Variants in WDR49 observed in about 807,000 individuals in gnomAD.
The protein encoded by WDR49 is WD repeat domain 49, also known as cilia- and flagella-associated protein 337.
Under a neutral mutation model 119.5 loss-of-function variants are expected in WDR49, and 107 were observed. The observed-to-expected ratio is 0.90, with a 90% confidence interval of 0.77 to 1.05. The LOEUF is 1.05. WDR49 is among the 50% of genes least tolerant of loss of function. The probability of loss-of-function intolerance (pLI) is 0.00; values close to 1 mark genes in which losing one functional copy is unlikely to be tolerated. For synonymous variants in WDR49, 425 were observed against 418.8 expected (o/e 1.01, Z -0.18); for missense variants, 1,240 against 1,220.5 (o/e 1.02, Z -0.24).
intron 17 of WDR49, among the ~76,000 whole-genome samples, chr3:167,502,837 T>C (rs1751627694): frequency 6.6e-6 from 1 of 152,174 alleles, no homozygotes; most frequent in African/African-American, 2.4e-5. Flanking sequence ...AAGCAGAGTA[T>C]AAATGTTTAG....
intron 18 of WDR49, among the ~76,000 whole-genome samples, chr3:167,487,496 A>C (rs188998678): frequency 6.6e-6 from 1 of 152,324 alleles, no homozygotes; most frequent in East Asian, 1.9e-4. Context: ...AAGCCCCCAA[A>C]AGCAACGGTA....
intron 18 of WDR49, among the ~76,000 whole-genome samples, chr3:167,498,560 T>C (rs1424436769): frequency 6.6e-6 from 1 of 152,056 alleles, no homozygotes; most frequent in Non-Finnish European, 1.5e-5. Flanking sequence ...TTCTCTGTGC[T>C]CTGGGGGAGG....
intron 7 of WDR49, among the ~76,000 whole-genome samples, chr3:167,591,584 C>T (rs1481036134): frequency 6.6e-6 from 1 of 151,996 alleles, no homozygotes; most frequent in East Asian, 1.9e-4. Context: ...TGGGTGCTCC[C>T]GTTTTGGGTA....
chr3:167,545,452 C>T (rs970744436), intron 10 of WDR49, among the ~76,000 whole-genome samples: 10 of 144,328 alleles, frequency 6.9e-5, no homozygotes, highest in Non-Finnish European at 1.5e-4. Flanking sequence ...GCCCAAATGC[C>T]CGTCAATCAA....
chr3:167,616,240 A>G (rs1435584759), intron 5 of WDR49, among the ~76,000 whole-genome samples: 1 of 152,260 alleles, frequency 6.6e-6, no homozygotes, highest in Non-Finnish European at 1.5e-5. Context: ...AATGATCAAC[A>G]AATATTTATT....
chr3:167,601,232 T>C (rs1715752153), intron 7 of WDR49, among the ~76,000 whole-genome samples: 1 of 152,186 alleles, frequency 6.6e-6, no homozygotes, highest in African/African-American at 2.4e-5. Context: ...GTTTACATGC[T>C]AGGTAATACA....
At chr3:167,509,186 T>G (rs1165582161) in intron 16 of WDR49, among the ~76,000 whole-genome samples, 3 of 152,182 alleles carry the variant, frequency 2.0e-5, no homozygotes, top group Non-Finnish European at 4.4e-5. Flanking sequence ...AAGGAAAATG[T>G]GTCAGATAAT....
At chr3:167,598,100 A>C (rs1442917484) in intron 7 of WDR49, among the ~76,000 whole-genome samples, 2 of 151,998 alleles carry the variant, frequency 1.3e-5, no homozygotes, top group Non-Finnish European at 1.5e-5. Flanking sequence ...AGGACAGGAG[A>C]TCGAGACCAT....
chr3:167,565,428 A>T (rs550948133), intron 8 of WDR49, among the ~76,000 whole-genome samples: 18 of 150,648 alleles, frequency 1.2e-4, no homozygotes, highest in African/African-American at 4.4e-4. Context: ...TGTAAAATGC[A>T]TGTGTATATA....
chr3:167,563,374 A>AG (rs1713397218), intron 8 of WDR49, among the ~76,000 whole-genome samples: 1 of 136,158 alleles, frequency 7.3e-6, no homozygotes, highest in Non-Finnish European at 1.5e-5. Flanking sequence ...AAAAAAAAAA[A>AG]AAAGAAAGAA....
intron 18 of WDR49, among the ~76,000 whole-genome samples, chr3:167,481,232 C>T (rs1048379269): frequency 2.6e-5 from 4 of 152,030 alleles, no homozygotes; most frequent in Admixed American, 2.0e-4. Context: ...AAAAATATTG[C>T]CATTGCACAA....
intron 14 of WDR49, 64 bp downstream of exon 14, chr3:167,528,988 A>T (rs1457273743): frequency 7.4e-7 from 1 of 1,349,762 alleles, no homozygotes; most frequent in Non-Finnish European, 9.9e-7. Flanking sequence ...CTTGATTCAT[A>T]GTTACCTGCA....
At chr3:167,556,570 G>C (rs965399229) in intron 9 of WDR49, among the ~76,000 whole-genome samples, 1 of 152,208 alleles carries the variant, frequency 6.6e-6, no homozygotes, top group Non-Finnish European at 1.5e-5. Context: ...ATCATGCATA[G>C]AGGTCACATT....
chr3:167,527,073 T>C (rs1752663652), intron 15 of WDR49, among the ~76,000 whole-genome samples: 1 of 152,150 alleles, frequency 6.6e-6, no homozygotes, highest in African/African-American at 2.4e-5. Context: ...ATGACTCCCA[T>C]TTCCATTTCA....
intron 8 of WDR49, among the ~76,000 whole-genome samples, chr3:167,567,409 T>G (rs1039976574): frequency 3.3e-5 from 5 of 152,236 alleles, no homozygotes; most frequent in African/African-American, 1.2e-4. Context: ...TTTTGCCATG[T>G]TCACAGTCTC....
chr3:167,601,300 G>A (rs990182308), intron 7 of WDR49, among the ~76,000 whole-genome samples: 2 of 152,120 alleles, frequency 1.3e-5, no homozygotes, highest in African/African-American at 4.8e-5. Context: ...AATTTATGGG[G>A]TGTGGCTAAG....
chr3:167,580,856 T>C (rs1205167731), intron 7 of WDR49, among the ~76,000 whole-genome samples: 1 of 152,194 alleles, frequency 6.6e-6, no homozygotes, highest in African/African-American at 2.4e-5. Context: ...AATTTTCATT[T>C]CAGATATCCT....
intron 2 of WDR49, among the ~76,000 whole-genome samples, chr3:167,636,649 A>G (rs1347152765): frequency 6.6e-6 from 1 of 151,614 alleles, no homozygotes; most frequent in Non-Finnish European, 1.5e-5. Flanking sequence ...ATCCATGCCA[A>G]CATGTATTAG....
intron 18 of WDR49, among the ~76,000 whole-genome samples, chr3:167,485,257 C>T (rs1041546898): frequency 1.3e-5 from 2 of 151,868 alleles, no homozygotes; most frequent in Non-Finnish European, 2.9e-5. Flanking sequence ...GGGCTTAAAA[C>T]ATAGATGATA....
Sources: allele counts gnomAD v4.1 joint callset (sites outside exome capture counted in the v4.1 genomes callset), GRCh38; gene constraint gnomAD v4.1.1; transcripts MANE v1.5; gene names NCBI Gene and HGNC (gene_info 2026-07-23, HGNC 2026-07-21).